Variants in TSBP1 observed in about 807,000 individuals in gnomAD.
The protein encoded by TSBP1 is testis-expressed basic protein 1.
A neutral mutation model predicts 68.8 loss-of-function variants in TSBP1; 56 were observed. The observed-to-expected ratio is 0.81, with a 90% confidence interval of 0.66 to 1.02. The LOEUF is 1.02. TSBP1 is among the 50% of genes least tolerant of loss of function. TSBP1 has a pLI of 0.00. For missense variants in TSBP1, 502 were observed against 641.2 expected (o/e 0.78, Z 2.34); for synonymous variants, 171 against 208.7 (o/e 0.82, Z 1.56).
In TSBP1 at chr6:32,365,510, C is replaced by T. The variant is rs1773601223; in HGVS notation, c.217+657G>A. On this transcript the variant is annotated intron_variant, in intron 6 of 22. Coordinates refer to ENST00000612031, the Ensembl canonical transcript of TSBP1. This position sits in a 1 kb window ranked among gnomAD's most constrained non-coding sequence, Gnocchi z 4.3. ...CTTTCTGATGAGTGGGTTCTGCAGT[C>T]TCTTTTCCCTGCTCCCAGCCTCTCC... The T allele has an allele frequency of 6.6e-6, 3 of 456,644 alleles. No homozygotes were observed. Among genetic ancestry groups the T allele is most frequent in the African/African-American group, 6.0e-5 (3 of 50,172 alleles). 28.3% of individuals were successfully genotyped at this position (456,644 alleles called of 1,614,324 possible). A position where few individuals can be genotyped will look rare whatever the true frequency, so the allele number is the denominator to read the frequency against.
At chr6:32,355,266 A>G in intron 7 of TSBP1, 122 bp from the exon 8 acceptor site, 1 of 942,058 alleles carries the variant, frequency 1.1e-6, no homozygotes, top group Non-Finnish European at 1.7e-6. Flanking sequence ...CCCGGGAGTC[A>G]TCACTGATCT....
chr6:32,313,850 T>G (rs371841497), intron 19 of TSBP1, among the ~76,000 whole-genome samples: 1 of 152,154 alleles, frequency 6.6e-6, no homozygotes, highest in Non-Finnish European at 1.5e-5. Flanking sequence ...GTGGATGGCT[T>G]TGTTTTCATG....
chr6:32,371,867 T>C (rs2127672479), exon 1 of TSBP1: 1 of 745,176 alleles, frequency 1.3e-6, no homozygotes, highest in East Asian at 2.6e-5. Flanking sequence ...CACTGAGAAA[T>C]TGTGTGGAGC....
At chr6:32,370,407 G>GTGTATATATATATATATA (rs1241237254) in intron 1 of TSBP1, among the ~76,000 whole-genome samples, 3 of 130,688 alleles carry the variant, frequency 2.3e-5, no homozygotes, top group South Asian at 2.4e-4. Context: ...AAGATTTTCT[G>GTGTATATATATATATATA]TATATATATA....
At chr6:32,353,480 A>T (rs1427230940) in intron 8 of TSBP1, among the ~76,000 whole-genome samples, 1 of 151,978 alleles carries the variant, frequency 6.6e-6, no homozygotes, top group African/African-American at 2.4e-5. Flanking sequence ...AATGCATGGG[A>T]ATAATTGATT....
rs1251876558 is a variant in TSBP1 at position 32,365,448 on chromosome 6, A to T, written c.217+719T>A. The T allele has an allele frequency of 6.6e-6, 3 of 456,844 alleles. No homozygotes were observed. Among genetic ancestry groups the T allele is most frequent in the East Asian group, 1.4e-4 (2 of 14,402 alleles). 28.3% of individuals were successfully genotyped at this position (456,844 alleles called of 1,614,324 possible). Reference sequence around the variant, plus strand: ...TGTGGGTCAGTAGTGCAAGGAGCATAGGTCACGCATCTCAAATGGCAGGCT... The same window carrying T: ...TGTGGGTCAGTAGTGCAAGGAGCATTGGTCACGCATCTCAAATGGCAGGCT... On this transcript the variant is annotated intron_variant, in intron 6 of 22. Transcript: ENST00000612031. This position sits in a 1 kb window ranked among gnomAD's most constrained non-coding sequence, Gnocchi z 4.3.
intron 19 of TSBP1, among the ~76,000 whole-genome samples, chr6:32,303,433 C>T (rs1367057299): frequency 7.1e-6 from 1 of 141,398 alleles, no homozygotes; most frequent in Non-Finnish European, 1.6e-5. Flanking sequence ...TCTTTTGTCC[C>T]TGGTAAATTT....
intron 6 of TSBP1, 111 bp downstream of exon 6, chr6:32,366,056 T>C: frequency 8.6e-7 from 1 of 1,162,230 alleles, no homozygotes; most frequent in Non-Finnish European, 1.2e-6. Context: ...TGTAACTACT[T>C]TGATTTCTTC....
At chr6:32,301,366 C>T (rs1414972802) in intron 20 of TSBP1, among the ~76,000 whole-genome samples, 1 of 152,048 alleles carries the variant, frequency 6.6e-6, no homozygotes, top group African/African-American at 2.4e-5. Context: ...TTACCAAGTA[C>T]TGAAATATAG....
In TSBP1 at chr6:32,302,469, CA is replaced by C; in HGVS notation, c.601+139del. The C allele has an allele frequency of 1.4e-6, 1 of 701,668 alleles. No homozygotes were observed. The highest frequency in any genetic ancestry group is 2.5e-6 in the Non-Finnish European group (1 of 396,172). The allele number at this position is 701,668 out of a possible 1,614,324, so 43.5% of individuals were successfully genotyped here. ...ACCCTGTCTCAGAACAAAACAAAACCAAAAACACCAAACAAACCAAAAAACA... is the reference window on the plus strand; with the variant it reads ...ACCCTGTCTCAGAACAAAACAAAACCAAAACACCAAACAAACCAAAAAACA... On this transcript the variant is annotated intron_variant, in intron 20 of 22. Coordinates refer to ENST00000612031, the Ensembl canonical transcript of TSBP1. This position sits in a 1 kb window ranked among gnomAD's most constrained non-coding sequence, Gnocchi z 5.1.
chr6:32,308,456 G>A (rs1582995632), intron 19 of TSBP1, among the ~76,000 whole-genome samples: 1 of 150,296 alleles, frequency 6.7e-6, no homozygotes, highest in African/African-American at 2.4e-5. Context: ...AAATTAGCCG[G>A]GCGTAGTGGC....
At chr6:32,322,159 G>C (rs958307468) in intron 18 of TSBP1, among the ~76,000 whole-genome samples, 15 of 152,300 alleles carry the variant, frequency 9.8e-5, no homozygotes, top group African/African-American at 3.6e-4. Context: ...TGAGATATGA[G>C]AACCAAATTT....
At chr6:32,362,573 C>T (rs986375112) in intron 6 of TSBP1, among the ~76,000 whole-genome samples, 1 of 152,294 alleles carries the variant, frequency 6.6e-6, no homozygotes, top group East Asian at 1.9e-4. Flanking sequence ...ATATGGTTTG[C>T]AAATATTTTC....
Position 32,338,937 on chromosome 6 carries a change from A to G in TSBP1, c.409+42T>C. On this transcript the variant is annotated intron_variant, in intron 11 of 22. Coordinates refer to ENST00000612031, the Ensembl canonical transcript of TSBP1. This position sits in a 1 kb window ranked among gnomAD's most constrained non-coding sequence, Gnocchi z 5.5. ...TCTTACATATTCTAACAGTTTAGTA[A>G]AGCAAAGCACATGAGAATTAAAGGG... 6.5e-7 allele frequency: 1 copy of G among 1,536,996 alleles called. No individual in the cohort carries two copies. The highest frequency in any genetic ancestry group is 9.0e-7 in the Non-Finnish European group (1 of 1,110,644).
chr6:32,362,206 G>A (rs1370426916), intron 6 of TSBP1, among the ~76,000 whole-genome samples: 1 of 149,066 alleles, frequency 6.7e-6, no homozygotes, highest in Non-Finnish European at 1.5e-5. Flanking sequence ...GGAGAATGGC[G>A]TGAACCCGGG....
At chr6:32,329,513 C>A (rs1768670399) in intron 16 of TSBP1, among the ~76,000 whole-genome samples, 1 of 152,158 alleles carries the variant, frequency 6.6e-6, no homozygotes, top group Non-Finnish European at 1.5e-5. Context: ...ATAGTTAGAA[C>A]CAGAATTCAG....
At chr6:32,318,557 T>A (rs1342599124) in intron 18 of TSBP1, among the ~76,000 whole-genome samples, 2 of 152,192 alleles carry the variant, frequency 1.3e-5, no homozygotes, top group Admixed American at 6.5e-5. Context: ...GAAATATTAT[T>A]TGGCCATAAA....
exon 23 of TSBP1, chr6:32,293,950 C>A (rs1386015436): frequency 6.2e-7 from 1 of 1,612,606 alleles, no homozygotes; most frequent in Non-Finnish European, 8.5e-7. Flanking sequence ...TATTCTGAGA[C>A]CTTGCAGTGC....
intron 6 of TSBP1, among the ~76,000 whole-genome samples, chr6:32,364,257 C>T (rs1773398257): frequency 6.6e-6 from 1 of 152,134 alleles, no homozygotes; most frequent in Admixed American, 6.5e-5. Flanking sequence ...GTCTATATCT[C>T]TTCACAGATT....
Sources: allele counts gnomAD v4.1 joint callset (sites outside exome capture counted in the v4.1 genomes callset), GRCh38; gene constraint gnomAD v4.1.1; non-coding constraint Gnocchi (gnomAD v3.1); transcripts MANE v1.5; gene names NCBI Gene and HGNC (gene_info 2026-07-23, HGNC 2026-07-21).